Variants in ICE2 observed in about 807,000 individuals in gnomAD.
The protein encoded by ICE2 is interactor of little elongation complex ELL subunit 2.
In ICE2, 87 loss-of-function variants were observed where a neutral mutation model predicts 105.4. The ratio of observed to expected loss-of-function variants is 0.83; its 90% CI spans 0.69 to 0.99. The LOEUF (loss-of-function observed/expected upper bound fraction) is 0.99, where lower values mean the gene tolerates loss of function less well. Among genes scored for constraint, ICE2 ranks in the 50% least tolerant of loss-of-function variants. The probability of loss-of-function intolerance (pLI) is 0.00; values close to 1 mark genes in which losing one functional copy is unlikely to be tolerated. For synonymous variants in ICE2, 399 were observed against 392.0 expected, an observed-to-expected ratio of 1.02 and a Z score of -0.21; for missense variants, 1,323 against 1,146.7, an observed-to-expected ratio of 1.15 and a Z score of -2.22.
In ICE2 at chr15:60,423,754, T is replaced by C; in HGVS notation, c.2829A>G (p.Gly943=). 1 of 1,589,250 alleles carries C rather than the reference T, an allele frequency of 6.3e-7. No homozygotes were observed. Among genetic ancestry groups the C allele is most frequent in the African/African-American group, 1.4e-5 (1 of 73,406 alleles). The change falls in exon 16 of 16, where the codon GGA becomes GGG. Residue 943 remains glycine (G), a synonymous_variant. Transcript: ENST00000261520. The part of the protein sequence containing the change: ...LDTTTQQKIG[G]TRMPTRSHRN... Reference sequence around the variant, plus strand: ...TGTGGCTGCGTGTAGGCATTCTCGTTCCACCAATCTAAGAGATGAAGCAGA... The same window carrying C: ...TGTGGCTGCGTGTAGGCATTCTCGTCCCACCAATCTAAGAGATGAAGCAGA...
At chr15:60,445,343 C>A (rs554056021) in intron 11 of ICE2, among the ~76,000 whole-genome samples, 6 of 152,228 alleles carry the variant, frequency 3.9e-5, no homozygotes, top group Non-Finnish European at 7.4e-5. Context: ...AATATCACCC[C>A]CTCACCATTT....
Position 60,478,022 on chromosome 15 carries a change from C to T in ICE2, c.-45G>A, listed in dbSNP as rs74417955. The T allele has an allele frequency of 1.3e-6, 2 of 1,584,048 alleles. No homozygotes were observed. The highest frequency in any genetic ancestry group is 2.2e-5 in the East Asian group (1 of 44,754). ...ACTCTAGCTCACAGTTCACAGCTGC[C>T]TGGCTGCGAAGGCTCCAAGAGGCAG... On this transcript the variant is annotated 5_prime_UTR_variant, in exon 2 of 16. Coordinates refer to ENST00000261520, the MANE Select transcript of ICE2 (RefSeq NM_024611.6).
intron 11 of ICE2, chr15:60,447,745 T>C (rs2063855455): frequency 2.7e-6 from 1 of 372,954 alleles, no homozygotes; most frequent in South Asian, 5.4e-5. Context: ...TCAATCTGTA[T>C]ATTCCAAGCA....
rs1233301437 is a variant in ICE2 at position 60,454,991 on chromosome 15, C to T, written c.943+12G>A. 10 of 1,530,692 alleles carry T rather than the reference C, an allele frequency of 6.5e-6. No homozygotes were observed. The highest frequency in any genetic ancestry group is 8.7e-6 in the Non-Finnish European group (10 of 1,148,730). 94.8% of individuals were successfully genotyped at this position (1,530,692 alleles called of 1,614,324 possible). A position where few individuals can be genotyped will look rare whatever the true frequency, so the allele number is the denominator to read the frequency against. ...TTTTTGAGAGCATTATTTGACATAG[C>T]AAATTACAAACCTGCAACAGGTATT... On this transcript the variant is annotated intron_variant, in intron 8 of 15. Transcript: ENST00000261520.
chr15:60,472,094 G>T (rs1024779152), intron 3 of ICE2, among the ~76,000 whole-genome samples: 1 of 151,284 alleles, frequency 6.6e-6, no homozygotes, highest in African/African-American at 2.4e-5. Flanking sequence ...ATTTCTACAT[G>T]AACGGCTCAT....
At chr15:60,428,762 A>T in intron 14 of ICE2, 75 bp from the exon 15 acceptor site, 24 of 1,466,530 alleles carry the variant, frequency 1.6e-5, no homozygotes, top group Non-Finnish European at 2.2e-5. Flanking sequence ...ATCATAATCT[A>T]TTAGTAAAAT....
At chr15:60,432,201 T>C (rs2063476752) in intron 13 of ICE2, among the ~76,000 whole-genome samples, 2 of 134,706 alleles carry the variant, frequency 1.5e-5, no homozygotes, top group Non-Finnish European at 3.2e-5. Context: ...TTTTTTTTTT[T>C]GAGATGGAGT....
chr15:60,451,549 T>C (rs557344605), intron 9 of ICE2: 8 of 981,816 alleles, frequency 8.1e-6, no homozygotes, highest in East Asian at 1.1e-4. Context: ...ATTAGACTAA[T>C]AGACATTAAG....
intron 12 of ICE2, among the ~76,000 whole-genome samples, chr15:60,437,267 T>C (rs2063615103): frequency 6.6e-6 from 1 of 151,452 alleles, no homozygotes; most frequent in Non-Finnish European, 1.5e-5. Flanking sequence ...AAAATATATA[T>C]ATATATTTAT....
chr15:60,466,088 A>C (rs1249096244), intron 5 of ICE2, among the ~76,000 whole-genome samples: 1 of 152,136 alleles, frequency 6.6e-6, no homozygotes, highest in Non-Finnish European at 1.5e-5. Flanking sequence ...TGGTAGGCTC[A>C]ATGAATGATG....
intron 11 of ICE2, 54 bp downstream of exon 11, chr15:60,447,916 G>C (rs1595774788): frequency 2.9e-6 from 4 of 1,369,482 alleles, no homozygotes; most frequent in Non-Finnish European, 4.1e-6. Context: ...GGCATGTTAA[G>C]TATCTATTGA....
At chr15:60,433,322 A>G (rs562144996) in intron 13 of ICE2, among the ~76,000 whole-genome samples, 3 of 151,576 alleles carry the variant, frequency 2.0e-5, no homozygotes, top group South Asian at 2.1e-4. Context: ...TCCTGACCTC[A>G]TGATCCACCC....
chr15:60,434,287 AG>A (rs1356396401), intron 13 of ICE2, among the ~76,000 whole-genome samples: 1 of 152,176 alleles, frequency 6.6e-6, no homozygotes, highest in Non-Finnish European at 1.5e-5. Flanking sequence ...GCTTGGTAGA[AG>A]GGCAAACTGA....
At chr15:60,447,912 TTAAG>T in intron 11 of ICE2, 54 bp downstream of exon 11, 1 of 1,352,314 alleles carries the variant, frequency 7.4e-7, no homozygotes, top group Non-Finnish European at 1.0e-6. Flanking sequence ...TAATGGCATG[TTAAG>T]TATCTATTGA....
At chr15:60,455,610 C>CCACT (rs1415240586) in intron 6 of ICE2, among the ~76,000 whole-genome samples, 168 bp from the exon 7 acceptor site, 1 of 151,144 alleles carries the variant, frequency 6.6e-6, no homozygotes, top group Non-Finnish European at 1.5e-5. Flanking sequence ...TGCTTAACAA[C>CCACT]CACTACCTGT....
At position 60,456,660 on chromosome 15, in the gene ICE2, T is replaced by C. The variant is rs200212941; in HGVS notation, c.663A>G (p.Ala221=). 1.3e-6 allele frequency: 2 copies of C among 1,572,688 alleles called. No individual in the cohort carries two copies. The highest frequency in any genetic ancestry group is 1.7e-6 in the Non-Finnish European group (2 of 1,161,154). ...ATCGTCTGATAATAAACCTTACCAA[T>C]GCGAGAAGAGTTTTTTCTAACTTTA... ...MGLKLEKTLL[A]LGSVKYVKTV... The change falls in exon 6 of 16, where the codon GCA becomes GCG. Residue 221 remains alanine, a synonymous_variant. Transcript: ENST00000261520.
intron 9 of ICE2, chr15:60,453,006 G>A (rs1278471426): frequency 1.2e-5 from 11 of 946,594 alleles, no homozygotes; most frequent in African/African-American, 1.8e-5. Flanking sequence ...TGAGATGGGT[G>A]GATCACCTGA....
At chr15:60,452,114 C>T in intron 9 of ICE2, 1 of 985,072 alleles carries the variant, frequency 1.0e-6, no homozygotes, top group Non-Finnish European at 1.2e-6. Context: ...TACTGCCTGA[C>T]ATTCACCTCA....
chr15:60,440,317 C>T (rs1435753655), intron 12 of ICE2: 2 of 152,164 alleles, frequency 1.3e-5, no homozygotes, highest in Non-Finnish European at 2.9e-5. Context: ...TGAGGACTGC[C>T]TATATATCAA....
Sources: allele counts gnomAD v4.1 joint callset (sites outside exome capture counted in the v4.1 genomes callset), GRCh38; gene constraint gnomAD v4.1.1; transcripts MANE v1.5; gene names NCBI Gene and HGNC (gene_info 2026-07-23, HGNC 2026-07-21).